The following LRRC47 variants were observed in gnomAD, a reference collection of about 807,000 sequenced individuals.
The protein encoded by LRRC47 is leucine-rich repeat-containing protein 47.
In LRRC47, 31 loss-of-function variants were observed where a neutral mutation model predicts 40.9. The observed-to-expected ratio is 0.76, with a 90% CI of 0.57 to 1.02. The LOEUF (loss-of-function observed/expected upper bound fraction) is 1.02. LRRC47 is among the 50% of genes least tolerant of loss of function. The pLI, the probability that LRRC47 is intolerant of heterozygous loss-of-function variation, is 0.00. For missense variants in LRRC47, 726 were observed against 796.1 expected (o/e 0.91, Z 1.06); for synonymous variants, 427 against 371.9 (o/e 1.15, Z -1.70).
At chr1:3,784,445 C>T (rs1004646049) in intron 3 of LRRC47, among the ~76,000 whole-genome samples, 8 of 152,358 alleles carry the variant, frequency 5.3e-5, no homozygotes, top group African/African-American at 1.7e-4. Flanking sequence ...ACCTCGTGCA[C>T]TCCACAGATT....
Position 3,796,254 on chromosome 1 carries a change from G to C in LRRC47, c.223C>G (p.Pro75Ala). Reference protein sequence around the residue: ...APGPGLAQGLPQLHSLVLRRN... With the variant: ...APGPGLAQGLAQLHSLVLRRN... ...CGCAGCACGAGGCTGTGCAGCTGCG[G>C]CAGGCCCTGCGCCAGGCCAGGCCCC... Residue 75 changes from proline (P) to alanine (A), a missense_variant, in exon 1 of 7, where the codon CCG becomes GCG. By Grantham distance (27) the Pro-to-Ala change is conservative. Transcript: ENST00000378251. 1 of 1,459,242 alleles carries C rather than the reference G, an allele frequency of 6.9e-7. No individual in the cohort carries two copies. Among genetic ancestry groups the C allele is most frequent in the Non-Finnish European group, 9.0e-7 (1 of 1,114,898 alleles). 90.4% of individuals were successfully genotyped at this position (1,459,242 alleles called of 1,614,324 possible).
chr1:3,778,588 CGGG>C lies in LRRC47; in HGVS notation c.*2497_*2499del, dbSNP rs1317862141. On this transcript the variant is annotated 3_prime_UTR_variant, in exon 7 of 7. Transcript: ENST00000378251. Reference sequence around the variant, plus strand: ...TGCGGAGCTGTTTTTATTAGTGAGTCGGGGGGTGGGGTGGGGTGAAGAAAACAT... The same window carrying C: ...TGCGGAGCTGTTTTTATTAGTGAGTCGGGTGGGGTGGGGTGAAGAAAACAT... 1 of 153,198 alleles carries C rather than the reference CGGG, an allele frequency of 6.5e-6. No homozygotes were observed. The highest frequency in any genetic ancestry group is 2.1e-4 in the South Asian group (1 of 4,848). 9.5% of individuals were successfully genotyped at this position (153,198 alleles called of 1,614,324 possible). A position where few individuals can be genotyped will look rare whatever the true frequency, so the allele number is the denominator to read the frequency against.
intron 4 of LRRC47, among the ~76,000 whole-genome samples, chr1:3,783,463 G>A (rs185928098): frequency 1.1e-3 from 165 of 148,508 alleles, no homozygotes; most frequent in African/African-American, 3.9e-3. Flanking sequence ...ATACCTAAAG[G>A]GTAAAATGGA....
At chr1:3,783,961 G>T (rs758699833) in intron 4 of LRRC47, 35 bp downstream of exon 4, 1 of 1,556,926 alleles carries the variant, frequency 6.4e-7, no homozygotes, top group Non-Finnish European at 8.7e-7. Context: ...GCACTCCCCC[G>T]GGCCCGGCCC....
At chr1:3,793,027 C>T (rs1643641537) in intron 1 of LRRC47, among the ~76,000 whole-genome samples, 1 of 152,142 alleles carries the variant, frequency 6.6e-6, no homozygotes, top group Admixed American at 6.5e-5. Flanking sequence ...GCCAATGAAA[C>T]CACCTTTGCA....
At chr1:3,782,945 G>A (rs1317451428) in intron 4 of LRRC47, 182 bp from the exon 5 acceptor site, 25 of 594,098 alleles carry the variant, frequency 4.2e-5, no homozygotes, top group Non-Finnish European at 6.7e-5. Context: ...TCATCACTAT[G>A]GTGAGCTCCT....
chr1:3,791,261 G>A (rs1241934207), intron 1 of LRRC47, among the ~76,000 whole-genome samples: 1 of 152,250 alleles, frequency 6.6e-6, no homozygotes, highest in Non-Finnish European at 1.5e-5. Context: ...GCTGCTTTAA[G>A]CCTCGTGGTT....
At chr1:3,795,818 A>T in intron 1 of LRRC47, 44 bp downstream of exon 1, 1 of 1,497,092 alleles carries the variant, frequency 6.7e-7, no homozygotes, top group South Asian at 1.3e-5. Context: ...CTCCAGGGCT[A>T]CTCCAAGGCC....
chr1:3,786,384 C>A (rs1271716669), intron 2 of LRRC47, among the ~76,000 whole-genome samples: 1 of 152,066 alleles, frequency 6.6e-6, no homozygotes, highest in African/African-American at 2.4e-5. Flanking sequence ...CCTGTAATGC[C>A]AGCTACTCAG....
chr1:3,794,395 C>T (rs555594112), intron 1 of LRRC47, among the ~76,000 whole-genome samples: 1 of 152,154 alleles, frequency 6.6e-6, no homozygotes, highest in South Asian at 2.1e-4. Context: ...CAGGGTCTCG[C>T]TCTGTTCAGG....
At position 3,796,018 on chromosome 1, in the gene LRRC47, C is replaced by T. The variant is rs1295263296; in HGVS notation, c.459G>A (p.Pro153=). The stretch of plus-strand genomic sequence containing the variant: ...CGGTGAGGTTGAGGCTCTGCAGGCG[C>T]GGGGCGCAGCGCGCCAGGTCGGCTG... ...ELPADLARCA[P]RLQSLNLTGN... Residue 153 remains proline, a synonymous_variant, in exon 1 of 7, where the codon CCG becomes CCA. Coordinates refer to ENST00000378251, the MANE Select transcript of LRRC47 (RefSeq NM_020710.3). The T allele has an allele frequency of 6.5e-7, 1 of 1,550,020 alleles. No homozygotes were observed. Among genetic ancestry groups the T allele is most frequent in the Non-Finnish European group, 8.7e-7 (1 of 1,149,470 alleles).
chr1:3,795,811 C>T, intron 1 of LRRC47, 51 bp downstream of exon 1: 1 of 1,479,000 alleles, frequency 6.8e-7, no homozygotes, highest in South Asian at 1.3e-5. Context: ...GTTCCTTCTC[C>T]AGGGCTACTC....
intron 5 of LRRC47, among the ~76,000 whole-genome samples, chr1:3,781,871 C>T (rs1211605178): frequency 6.6e-6 from 1 of 152,196 alleles, no homozygotes; most frequent in African/African-American, 2.4e-5. Flanking sequence ...GTCCCAGCTA[C>T]TCAGGAGGCT....
At chr1:3,791,327 C>A (rs907846103) in intron 1 of LRRC47, among the ~76,000 whole-genome samples, 6 of 152,238 alleles carry the variant, frequency 3.9e-5, no homozygotes, top group African/African-American at 1.4e-4. Flanking sequence ...TTTCCCTCTT[C>A]GTGTACTGCG....
chr1:3,786,466 C>G (rs1643574476), intron 2 of LRRC47, among the ~76,000 whole-genome samples: 1 of 152,042 alleles, frequency 6.6e-6, no homozygotes, highest in Non-Finnish European at 1.5e-5. Context: ...CGCCACCGTA[C>G]TCCAGCCTGG....
chr1:3,785,307 G>A (rs946362733), intron 2 of LRRC47, 104 bp from the exon 3 acceptor site: 9 of 752,256 alleles, frequency 1.2e-5, no homozygotes, highest in East Asian at 3.2e-5. Context: ...AAACCCTCCC[G>A]GTCCAAGGTC....
At chr1:3,787,339 C>T (rs116528445) in intron 1 of LRRC47, 29 bp from the exon 2 acceptor site, 27,649 of 1,579,556 alleles carry the variant, frequency 0.018, 257 homozygotes, top group Non-Finnish European at 0.021. Flanking sequence ...ACGCGTCAGA[C>T]GCCCGGACTC....
At chr1:3,782,421 A>G (rs990954854) in intron 5 of LRRC47, among the ~76,000 whole-genome samples, 1 of 152,026 alleles carries the variant, frequency 6.6e-6, no homozygotes, top group African/African-American at 2.4e-5. Context: ...CAGCCTCCCG[A>G]GTAGCTGGGA....
At chr1:3,786,355 C>G (rs2124611239) in intron 2 of LRRC47, among the ~76,000 whole-genome samples, 1 of 152,178 alleles carries the variant, frequency 6.6e-6, no homozygotes, top group East Asian at 1.9e-4. Context: ...AAAAAATTAG[C>G]CAGACATGAT....
Sources: gnomAD v4.1 joint callset for allele counts (sites outside exome capture counted in the v4.1 genomes callset) on GRCh38, gnomAD v4.1.1 for gene constraint, MANE v1.5 for transcripts, NCBI Gene and HGNC (gene_info 2026-07-23, HGNC 2026-07-21) for gene names.